The following METTL8 variants were observed in gnomAD, a reference collection of about 807,000 sequenced individuals.
METTL8 encodes the protein tRNA N(3)-cytidine methyltransferase METTL8, mitochondrial.
Under a neutral mutation model 48.7 loss-of-function variants are expected in METTL8, and 32 were observed. The ratio of observed to expected loss-of-function variants is 0.66; its 90% CI spans 0.50 to 0.88. The LOEUF (loss-of-function observed/expected upper bound fraction) is 0.88. Among genes scored for constraint, METTL8 ranks in the 40% least tolerant of loss-of-function variants. The probability of loss-of-function intolerance (pLI) is 0.00; values close to 1 mark genes in which losing one functional copy is unlikely to be tolerated. For synonymous variants in METTL8, 136 were observed against 157.1 expected (o/e 0.87, Z 1.01); for missense variants, 464 against 474.4 (o/e 0.98, Z 0.20).
chr2:171,375,128 T>G, intron 2 of METTL8: 1 of 1,418,802 alleles, frequency 7.0e-7, no homozygotes, highest in Non-Finnish European at 9.8e-7. Context: ...GAAATGTCCC[T>G]GACTGCTGCG....
chr2:171,405,757 C>A (rs915579615), intron 1 of METTL8, among the ~76,000 whole-genome samples: 1 of 152,128 alleles, frequency 6.6e-6, no homozygotes, highest in African/African-American at 2.4e-5. Flanking sequence ...AATAAGTACA[C>A]AGAAAACACA....
intron 7 of METTL8, among the ~76,000 whole-genome samples, chr2:171,328,011 G>A (rs1272469358): frequency 6.6e-6 from 1 of 152,104 alleles, no homozygotes; most frequent in Non-Finnish European, 1.5e-5. Flanking sequence ...AATGTCTGGG[G>A]TTGAGGATAA....
upstream of METTL8, chr2:171,434,602 G>C (rs752565445): frequency 3.3e-6 from 5 of 1,527,920 alleles, no homozygotes; most frequent in African/African-American, 4.2e-5. Context: ...GAAGCCCAAC[G>C]TGTGCAGCCG....
At chr2:171,329,976 T>C (rs569149282) in intron 7 of METTL8, among the ~76,000 whole-genome samples, 9 of 152,378 alleles carry the variant, frequency 5.9e-5, no homozygotes, top group Admixed American at 3.3e-4. Flanking sequence ...AGAAAAGCTA[T>C]GTTTATAGTT....
intron 1 of METTL8, among the ~76,000 whole-genome samples, chr2:171,400,337 G>T (rs767094631): frequency 1.1e-4 from 16 of 152,064 alleles, no homozygotes; most frequent in Non-Finnish European, 2.2e-4. Flanking sequence ...TCACCCATTT[G>T]CCTTCTACTT....
intron 1 of METTL8, among the ~76,000 whole-genome samples, chr2:171,432,025 CA>C (rs748675182): frequency 4.6e-5 from 7 of 152,222 alleles, no homozygotes; most frequent in Non-Finnish European, 8.8e-5. Flanking sequence ...GGATACCACA[CA>C]ACTCTGCACT....
In METTL8 at chr2:171,319,080, TTGACTC is replaced by T. The variant is rs1278242744; in HGVS notation, c.*5086_*5091del. The T allele has an allele frequency of 2.0e-5, 3 of 152,190 alleles. No homozygotes were observed. The highest frequency in any genetic ancestry group is 6.5e-5 in the Admixed American group (1 of 15,272). The allele number at this position is 152,190 out of a possible 1,614,324, so 9.4% of individuals were successfully genotyped here. On this transcript the variant is annotated 3_prime_UTR_variant, in exon 10 of 10. Transcript: ENST00000375258. ...AGGAACTAGGACCCATGCTTCCTGT[TTGACTC>T]TGAGGCAACACTTTTTTCCATGGAA...
intron 2 of METTL8, among the ~76,000 whole-genome samples, chr2:171,376,421 G>A (rs957781815): frequency 2.0e-5 from 3 of 151,980 alleles, no homozygotes; most frequent in Non-Finnish European, 2.9e-5. Context: ...ACTGTTCACC[G>A]ATGATATAAT....
At chr2:171,344,840 C>A (rs1047378717) in intron 3 of METTL8, among the ~76,000 whole-genome samples, 1 of 152,178 alleles carries the variant, frequency 6.6e-6, no homozygotes, top group South Asian at 2.1e-4. Flanking sequence ...TATGAGACAA[C>A]AAACACCTTC....
chr2:171,377,638 C>T (rs371031086), intron 2 of METTL8, among the ~76,000 whole-genome samples: 2 of 152,084 alleles, frequency 1.3e-5, no homozygotes, highest in African/African-American at 2.4e-5. Flanking sequence ...GAAAAAAATG[C>T]TCAACATCAC....
chr2:171,330,464 A>C (rs1208737046), intron 7 of METTL8, 95 bp downstream of exon 7: 9 of 1,222,192 alleles, frequency 7.4e-6, no homozygotes, highest in Non-Finnish European at 9.2e-6. Context: ...CTAAATAATA[A>C]ATTCAAAAAT....
chr2:171,380,806 G>GA (rs1687447416), intron 2 of METTL8, among the ~76,000 whole-genome samples: 1 of 152,178 alleles, frequency 6.6e-6, no homozygotes, highest in Admixed American at 6.6e-5. Context: ...TCAATATCGT[G>GA]AAAATGCCCA....
At chr2:171,421,768 G>A (rs950958936) in intron 1 of METTL8, among the ~76,000 whole-genome samples, 3 of 152,022 alleles carry the variant, frequency 2.0e-5, no homozygotes, top group Non-Finnish European at 2.9e-5. Flanking sequence ...CATATACTTG[G>A]GTTCCACAGG....
intron 1 of METTL8, among the ~76,000 whole-genome samples, chr2:171,428,798 G>C (rs1692676835): frequency 6.6e-6 from 1 of 152,108 alleles, no homozygotes; most frequent in African/African-American, 2.4e-5. Flanking sequence ...TGAGTCTTGA[G>C]ATCAACTGAT....
intron 1 of METTL8, among the ~76,000 whole-genome samples, chr2:171,426,622 C>T (rs546976712): frequency 6.6e-6 from 1 of 152,108 alleles, no homozygotes; most frequent in Admixed American, 6.6e-5. Context: ...TACTATCAAT[C>T]CTTTAAACCT....
chr2:171,325,846 G>T lies in METTL8; in HGVS notation c.1028C>A (p.Thr343Lys), dbSNP rs1191485725. 1.3e-6 allele frequency: 2 copies of T among 1,569,922 alleles called. No homozygotes were observed. The highest frequency in any genetic ancestry group is 1.7e-6 in the Non-Finnish European group (2 of 1,149,886). Residue 343 changes from threonine to lysine, a missense_variant, in exon 9 of 10, where the codon ACA becomes AAA. Thr to Lys is a moderately conservative substitution (Grantham distance 78). Coordinates refer to ENST00000375258, the MANE Select transcript of METTL8 (RefSeq NM_001321154.2). The stretch of plus-strand genomic sequence containing the variant: ...CCTTTTGTAGATTAGCATACCTTTT[G>T]TAAAGAAATATGCTCTGGTACCATC... ...RGDGTRAYFF[T>K]KGEVHSMFCK...
At chr2:171,341,483 C>T (rs1349007150) in intron 3 of METTL8, among the ~76,000 whole-genome samples, 1 of 151,812 alleles carries the variant, frequency 6.6e-6, no homozygotes, top group Non-Finnish European at 1.5e-5. Flanking sequence ...AAGTGATCTG[C>T]CTGCCTCCAC....
chr2:171,429,122 C>CA (rs113670837), intron 1 of METTL8, among the ~76,000 whole-genome samples: 5,024 of 139,432 alleles, frequency 0.036, 86 homozygotes, highest in East Asian at 0.062. Context: ...AAAAATCTTT[C>CA]AAAAAAAAAA....
At position 171,392,071 on chromosome 2, in the gene METTL8, G is replaced by T; in HGVS notation, c.115C>A (p.Pro39Thr). 1 of 1,551,456 alleles carries T rather than the reference G, an allele frequency of 6.4e-7. No individual in the cohort carries two copies. The change falls in exon 2 of 10, where the codon CCA becomes ACA. Residue 39 changes from proline to threonine, a missense_variant. By Grantham distance (38) the Pro-to-Thr change is conservative (BLOSUM62 -1). Coordinates refer to ENST00000375258, the MANE Select transcript of METTL8 (RefSeq NM_001321154.2). ...ATGTTGTGTTCAAAAACTTTGGCTG[G>T]GTCAGTTAAAATCCTTGATCCCAGA... ...APLGSRILTD[P>T]AKVFEHNMWD... is the part of the protein sequence containing the mutation.
Sources: allele counts gnomAD v4.1 joint callset (sites outside exome capture counted in the v4.1 genomes callset), GRCh38; gene constraint gnomAD v4.1.1; transcripts MANE v1.5; gene names NCBI Gene and HGNC (gene_info 2026-07-23, HGNC 2026-07-21).